MTMR6: variants seen among roughly 807,000 people sequenced by gnomAD.
MTMR6 encodes myotubularin related protein 6.
MTMR6 carries 47 observed loss-of-function variants against 80.1 expected under a neutral mutation model. The observed-to-expected ratio is 0.59, with a 90% confidence interval of 0.46 to 0.75. The LOEUF is 0.75. Among genes scored for constraint, MTMR6 ranks in the 30% least tolerant of loss-of-function variants. MTMR6 has a pLI of 0.00. For synonymous variants in MTMR6, 254 were observed against 253.0 expected (o/e 1.00, Z -0.04); for missense variants, 629 against 730.9 (o/e 0.86, Z 1.61).
At chr13:25,272,749 A>C (rs1957607141) in intron 2 of MTMR6, among the ~76,000 whole-genome samples, 1 of 152,164 alleles carries the variant, frequency 6.6e-6, no homozygotes, top group African/African-American at 2.4e-5. Flanking sequence ...TTCCACCTGC[A>C]TCCATGTTGC....
At chr13:25,262,047 T>A (rs1231276005) in intron 5 of MTMR6, among the ~76,000 whole-genome samples, 1 of 152,154 alleles carries the variant, frequency 6.6e-6, no homozygotes, top group Admixed American at 6.5e-5. Context: ...ACCTGGGTCC[T>A]AAGAAATAAC....
At position 25,263,201 on chromosome 13, in the gene MTMR6, T is replaced by C. The variant is rs115058688; in HGVS notation, c.592-1399A>G. Among the ~76,000 whole-genome samples the C allele has an allele frequency of 7.5e-3, 1,139 of 152,352 alleles. 17 individuals carry two copies. The highest frequency in any genetic ancestry group is 0.025 in the African/African-American group (1,054 of 41,580). ...GGACAAAGAAAGCTGCTAACTCCCT[T>C]AAGTCAGTAAGAAGCAAGGTATTTT... On this transcript the variant is annotated intron_variant, in intron 5 of 13. Coordinates refer to ENST00000381801, the MANE Select transcript of MTMR6 (RefSeq NM_004685.5).
intron 1 of MTMR6, among the ~76,000 whole-genome samples, chr13:25,282,581 C>T (rs953050122): frequency 1.3e-5 from 2 of 151,020 alleles, no homozygotes; most frequent in African/African-American, 2.4e-5. Flanking sequence ...TCTGCTTGCT[C>T]GCCCTCTTCT....
chr13:25,286,036 C>T (rs1157910267), intron 1 of MTMR6, among the ~76,000 whole-genome samples: 4 of 152,094 alleles, frequency 2.6e-5, no homozygotes, highest in Non-Finnish European at 5.9e-5. Flanking sequence ...TAGACTTAAG[C>T]ACCCTTCCAT....
At chr13:25,253,553 C>T (rs1593141905) in intron 11 of MTMR6, among the ~76,000 whole-genome samples, 1 of 152,160 alleles carries the variant, frequency 6.6e-6, no homozygotes, top group Admixed American at 6.5e-5. Context: ...ATGTATGCTA[C>T]ACTTCAAAAC....
intron 1 of MTMR6, among the ~76,000 whole-genome samples, chr13:25,275,613 G>A (rs1330598515): frequency 6.6e-6 from 1 of 151,870 alleles, no homozygotes; most frequent in Non-Finnish European, 1.5e-5. Flanking sequence ...TGTAATCCCA[G>A]CACTTTGGGA....
At chr13:25,278,647 AG>A (rs1196949910) in intron 1 of MTMR6, among the ~76,000 whole-genome samples, 2 of 125,162 alleles carry the variant, frequency 1.6e-5, no homozygotes, top group Non-Finnish European at 3.2e-5. Context: ...CAGGAGGTGG[AG>A]GTTGCAGTGA....
chr13:25,256,892 T>A (rs555671827), intron 9 of MTMR6, among the ~76,000 whole-genome samples: 1 of 152,140 alleles, frequency 6.6e-6, no homozygotes, highest in Admixed American at 6.5e-5. Context: ...GAAAAAAAAT[T>A]ATTTAAATCT....
rs114749907 is a variant in MTMR6, at chr13:25,274,417, A to G, written c.25-230T>C. Among the ~76,000 whole-genome samples, 706 of 152,354 alleles carry G rather than the reference A, an allele frequency of 4.6e-3. 4 individuals carry two copies. The highest frequency in any genetic ancestry group is 0.016 in the African/African-American group (654 of 41,578). ...TGTAACCAATAGAGAACCACATTGT[A>G]AAAAACAGTAACACTTATATTGAGG... On this transcript the variant is annotated intron_variant, in intron 1 of 13. Transcript: ENST00000381801.
chr13:25,282,201 A>G (rs1305490505), intron 1 of MTMR6, among the ~76,000 whole-genome samples: 1 of 151,982 alleles, frequency 6.6e-6, no homozygotes, highest in Admixed American at 6.5e-5. Context: ...CTCCCTCACC[A>G]GTTTCAGGTT....
At chr13:25,287,170 C>T in intron 1 of MTMR6, 54 bp downstream of exon 1, 2 of 1,567,410 alleles carry the variant, frequency 1.3e-6, no homozygotes, top group Non-Finnish European at 1.7e-6. Context: ...CTCCTCCTGC[C>T]TCAGCCGGGT....
At chr13:25,285,688 C>A (rs530541822) in intron 1 of MTMR6, among the ~76,000 whole-genome samples, 2 of 152,096 alleles carry the variant, frequency 1.3e-5, no homozygotes, top group Non-Finnish European at 2.9e-5. Context: ...CGCCTGCCAC[C>A]ATGCCCGGCT....
intron 5 of MTMR6, among the ~76,000 whole-genome samples, chr13:25,263,012 T>C (rs957003773): frequency 2.0e-5 from 3 of 152,204 alleles, no homozygotes; most frequent in Admixed American, 2.0e-4. Context: ...TCTAAACCCT[T>C]ACCCCTTTGC....
intron 9 of MTMR6, among the ~76,000 whole-genome samples, chr13:25,255,971 C>T (rs1182484573): frequency 2.6e-5 from 4 of 152,224 alleles, no homozygotes; most frequent in Non-Finnish European, 5.9e-5. Flanking sequence ...TTCCCACTCC[C>T]TTTGGCCTTC....
intron 9 of MTMR6, 93 bp from the exon 10 acceptor site, chr13:25,254,527 C>G: frequency 1.2e-6 from 1 of 848,188 alleles, no homozygotes; most frequent in Admixed American, 2.7e-5. Flanking sequence ...ACAGTATTTA[C>G]TGTACACTTT....
intron 2 of MTMR6, among the ~76,000 whole-genome samples, 182 bp downstream of exon 2, chr13:25,273,889 T>C (rs927824986): frequency 1.3e-5 from 2 of 152,174 alleles, no homozygotes; most frequent in South Asian, 2.1e-4. Flanking sequence ...TAGAATTCCA[T>C]GTTACATATT....
intron 1 of MTMR6, among the ~76,000 whole-genome samples, chr13:25,280,605 T>C (rs1957822657): frequency 6.6e-6 from 1 of 152,228 alleles, no homozygotes; most frequent in Non-Finnish European, 1.5e-5. Flanking sequence ...ATTTTACAGA[T>C]GTTGCTACAG....
chr13:25,262,050 G>A (rs1957352649), intron 5 of MTMR6, among the ~76,000 whole-genome samples: 1 of 152,092 alleles, frequency 6.6e-6, no homozygotes, highest in Non-Finnish European at 1.5e-5. Flanking sequence ...TGGGTCCTAA[G>A]AAATAACACC....
At chr13:25,271,182 A>T (rs1957567153) in intron 2 of MTMR6, among the ~76,000 whole-genome samples, 1 of 151,968 alleles carries the variant, frequency 6.6e-6, no homozygotes, top group Admixed American at 6.6e-5. Flanking sequence ...CCTCCTTTTC[A>T]GGTAGGAGTA....
Sources: gnomAD v4.1 joint callset for allele counts (sites outside exome capture counted in the v4.1 genomes callset) on GRCh38, gnomAD v4.1.1 for gene constraint, MANE v1.5 for transcripts, NCBI Gene and HGNC (gene_info 2026-07-23, HGNC 2026-07-21) for gene names.